ZCCHC7: variants seen among roughly 807,000 people sequenced by gnomAD.
ZCCHC7 encodes the protein zinc finger CCHC-type containing 7, also known as zinc finger CCHC domain-containing protein 7.
In ZCCHC7, 35 loss-of-function variants were observed where a neutral mutation model predicts 52.0. That is an observed-to-expected ratio of 0.67 (90% CI 0.51 to 0.89). ZCCHC7 has a LOEUF of 0.89. Among genes scored for constraint, ZCCHC7 ranks in the 40% least tolerant of loss-of-function variants. The pLI, the probability that ZCCHC7 is intolerant of heterozygous loss-of-function variation, is 0.00. For synonymous variants in ZCCHC7, 217 were observed against 221.5 expected (o/e 0.98, Z 0.18); for missense variants, 574 against 649.1 (o/e 0.88, Z 1.26).
chr9:37,292,985 T>C (rs866959047), intron 2 of ZCCHC7, among the ~76,000 whole-genome samples: 1 of 152,180 alleles, frequency 6.6e-6, no homozygotes, highest in Non-Finnish European at 1.5e-5. Flanking sequence ...TTTTAAGACC[T>C]ATTCTGATTG....
chr9:37,286,531 T>G (rs1828214757), intron 2 of ZCCHC7, among the ~76,000 whole-genome samples: 1 of 151,938 alleles, frequency 6.6e-6, no homozygotes, highest in Non-Finnish European at 1.5e-5. Context: ...GCTTGAATTC[T>G]CAGCTACTCG....
chr9:37,240,383 G>C (rs935332626), intron 2 of ZCCHC7, among the ~76,000 whole-genome samples: 4 of 151,814 alleles, frequency 2.6e-5, no homozygotes, highest in African/African-American at 9.7e-5. Context: ...AATTTGTATA[G>C]AGGTTAATAA....
chr9:37,223,015 G>C (rs1254422148), intron 2 of ZCCHC7, among the ~76,000 whole-genome samples: 1 of 152,080 alleles, frequency 6.6e-6, no homozygotes, highest in African/African-American at 2.4e-5. Flanking sequence ...ATATATGTGT[G>C]TATGTATGTA....
At chr9:37,198,213 A>G (rs1823390727) in intron 2 of ZCCHC7, among the ~76,000 whole-genome samples, 1 of 152,278 alleles carries the variant, frequency 6.6e-6, no homozygotes, top group Non-Finnish European at 1.5e-5. Flanking sequence ...TCCTCAAAAA[A>G]GCTTCTATTC....
rs117311754 is a variant in ZCCHC7, at chr9:37,274,889, A to G, written c.611-27299A>G. 2.5e-4 allele frequency among the ~76,000 whole-genome samples: 38 copies of G among 152,044 alleles called. No individual in the cohort carries two copies. In the East Asian group the frequency reaches 7.1e-3, roughly 29 times the overall value. ...TTTTGTTTTATCCCATTGTCCCAGC[A>G]CCATTTATTGAATAAATTGTTTCCT... On this transcript the variant is annotated intron_variant, in intron 2 of 8. Coordinates refer to ENST00000336755, the MANE Select transcript of ZCCHC7 (RefSeq NM_032226.3).
chr9:37,304,704 C>T (rs1829220391), intron 4 of ZCCHC7, among the ~76,000 whole-genome samples: 1 of 151,298 alleles, frequency 6.6e-6, no homozygotes, highest in South Asian at 2.1e-4. Flanking sequence ...CCTTAGAATT[C>T]AAATCTTTTT....
At chr9:37,166,293 G>A (rs2132945625) in intron 2 of ZCCHC7, among the ~76,000 whole-genome samples, 1 of 152,270 alleles carries the variant, frequency 6.6e-6, no homozygotes, top group African/African-American at 2.4e-5. Flanking sequence ...GTACTCGGGA[G>A]GCTGAGGCAG....
chr9:37,203,507 T>C (rs1388071065), intron 2 of ZCCHC7, among the ~76,000 whole-genome samples: 1 of 152,174 alleles, frequency 6.6e-6, no homozygotes, highest in Non-Finnish European at 1.5e-5. Flanking sequence ...GCCCTGTGTT[T>C]ATGTGTTCTC....
At chr9:37,300,788 T>G (rs1222133356) in intron 2 of ZCCHC7, among the ~76,000 whole-genome samples, 1 of 152,184 alleles carries the variant, frequency 6.6e-6, no homozygotes, top group East Asian at 1.9e-4. Flanking sequence ...TTGTCAACAC[T>G]TTAGTTTCTG....
At chr9:37,235,894 CT>C (rs961661938) in intron 2 of ZCCHC7, among the ~76,000 whole-genome samples, 1 of 151,538 alleles carries the variant, frequency 6.6e-6, no homozygotes, top group Non-Finnish European at 1.5e-5. Context: ...GGCCCTTATT[CT>C]TTTTTTAATG....
intron 2 of ZCCHC7, chr9:37,147,487 G>T (rs568161613): frequency 2.0e-5 from 3 of 151,598 alleles, no homozygotes; most frequent in South Asian, 4.2e-4. Context: ...AAATAAGAGT[G>T]GGGGGAAAAA....
chr9:37,186,039 A>G (rs1822636205), intron 2 of ZCCHC7, among the ~76,000 whole-genome samples: 1 of 152,068 alleles, frequency 6.6e-6, no homozygotes, highest in Admixed American at 6.6e-5. Flanking sequence ...TGGAGATTGT[A>G]TTATTTCCCA....
intron 7 of ZCCHC7, among the ~76,000 whole-genome samples, chr9:37,350,118 TG>T (rs1821277025): frequency 7.0e-6 from 1 of 142,626 alleles, no homozygotes; most frequent in Non-Finnish European, 1.5e-5. Flanking sequence ...TTTTGGGGTT[TG>T]TTTTTTTTTT....
Position 37,126,327 on chromosome 9 carries a change from C to CTTTT in ZCCHC7, c.-4_-1dup. ...TCTTTTGCAGCTTCAAGGTTACTGA[C>CTTTT]TTTTTATGATGTTTGGTGGCTATGA... On this transcript the variant is annotated 5_prime_UTR_variant, in exon 2 of 9. Transcript: ENST00000336755. The CTTTT allele has an allele frequency of 6.2e-7, 1 of 1,605,704 alleles. No homozygotes were observed. Among genetic ancestry groups the CTTTT allele is most frequent in the Non-Finnish European group, 8.5e-7 (1 of 1,176,164 alleles).
At chr9:37,171,235 A>G (rs1431706250) in intron 2 of ZCCHC7, among the ~76,000 whole-genome samples, 8 of 152,038 alleles carry the variant, frequency 5.3e-5, no homozygotes, top group African/African-American at 1.9e-4. Context: ...TGGCCCTTGT[A>G]TGTGTAGTTG....
chr9:37,283,372 C>T (rs1447180433), intron 2 of ZCCHC7, among the ~76,000 whole-genome samples: 3 of 152,120 alleles, frequency 2.0e-5, no homozygotes, highest in Non-Finnish European at 4.4e-5. Flanking sequence ...TTGCTCCATA[C>T]CCCAAGATTT....
intron 2 of ZCCHC7, among the ~76,000 whole-genome samples, chr9:37,274,066 C>T (rs1827563244): frequency 6.6e-6 from 1 of 152,130 alleles, no homozygotes; most frequent in African/African-American, 2.4e-5. Flanking sequence ...ACAAATACAG[C>T]TTGCTGCCAG....
chr9:37,280,559 A>G (rs763754277), intron 2 of ZCCHC7, among the ~76,000 whole-genome samples: 13 of 152,200 alleles, frequency 8.5e-5, no homozygotes, highest in Non-Finnish European at 1.9e-4. Flanking sequence ...GAAATCAATA[A>G]CAAAAAATCT....
intron 2 of ZCCHC7, among the ~76,000 whole-genome samples, chr9:37,169,799 T>C (rs1041466853): frequency 2.6e-5 from 4 of 152,148 alleles, no homozygotes; most frequent in African/African-American, 4.8e-5. Flanking sequence ...TGGCAACTTA[T>C]GCCTGCAGTC....
Sources: gnomAD v4.1 joint callset for allele counts (sites outside exome capture counted in the v4.1 genomes callset) on GRCh38, gnomAD v4.1.1 for gene constraint, MANE v1.5 for transcripts, NCBI Gene and HGNC (gene_info 2026-07-23, HGNC 2026-07-21) for gene names.